SCG5: variants seen among roughly 807,000 people sequenced by gnomAD.
The protein encoded by SCG5 is secretogranin V, also known as neuroendocrine protein 7B2.
SCG5 carries 18 observed loss-of-function variants against 25.7 expected under a neutral mutation model. The observed-to-expected ratio is 0.70, with a 90% CI of 0.48 to 1.04. The LOEUF is 1.04. Among genes scored for constraint, SCG5 ranks in the 50% least tolerant of loss-of-function variants. The pLI, the probability that SCG5 is intolerant of heterozygous loss-of-function variation, is 0.00. For missense variants in SCG5, 206 were observed against 259.8 expected (o/e 0.79, Z 1.42); for synonymous variants, 101 against 91.7 (o/e 1.10, Z -0.58).
chr15:32,690,663 C>T (rs1257398189), intron 4 of SCG5, among the ~76,000 whole-genome samples: 2 of 152,066 alleles, frequency 1.3e-5, no homozygotes, highest in African/African-American at 2.4e-5. Flanking sequence ...TTTTAATGAA[C>T]GTGAAAAATG....
At chr15:32,672,459 G>T (rs1402352624) in intron 2 of SCG5, among the ~76,000 whole-genome samples, 1 of 152,250 alleles carries the variant, frequency 6.6e-6, no homozygotes, top group Non-Finnish European at 1.5e-5. Flanking sequence ...CGTGAGGTGG[G>T]CACTCAGGTG....
chr15:32,667,353 G>C (rs375838471), intron 2 of SCG5, among the ~76,000 whole-genome samples: 1 of 150,096 alleles, frequency 6.7e-6, no homozygotes, highest in Non-Finnish European at 1.5e-5. Context: ...GATAAGTTTG[G>C]TGTTTTTATG....
intron 3 of SCG5, among the ~76,000 whole-genome samples, chr15:32,681,745 G>A (rs541352597): frequency 5.3e-5 from 8 of 152,016 alleles, no homozygotes; most frequent in South Asian, 4.2e-4. Context: ...CTACCACACC[G>A]AGACTTTTTT....
intron 5 of SCG5, among the ~76,000 whole-genome samples, chr15:32,692,783 A>G (rs2054882558): frequency 1.3e-5 from 2 of 152,212 alleles, no homozygotes; most frequent in African/African-American, 4.8e-5. Context: ...AAATCCGGTC[A>G]GAGAGAGCTT....
chr15:32,694,716 T>C (rs1349464246), intron 5 of SCG5, among the ~76,000 whole-genome samples: 1 of 152,288 alleles, frequency 6.6e-6, no homozygotes, highest in Non-Finnish European at 1.5e-5. Flanking sequence ...TTTTCAAGTG[T>C]CTGAGGACAT....
intron 4 of SCG5, among the ~76,000 whole-genome samples, chr15:32,690,256 G>T (rs2054824390): frequency 6.6e-6 from 1 of 152,196 alleles, no homozygotes; most frequent in Non-Finnish European, 1.5e-5. Flanking sequence ...CATGGTAGTA[G>T]CTCTCAGGTT....
intron 2 of SCG5, among the ~76,000 whole-genome samples, chr15:32,679,452 C>A (rs1354993750): frequency 1.3e-5 from 2 of 152,144 alleles, no homozygotes; most frequent in African/African-American, 4.8e-5. Flanking sequence ...TCGCCTACCT[C>A]GGCTTCGCAA....
intron 5 of SCG5, chr15:32,692,428 G>A (rs996825140): frequency 3.2e-5 from 7 of 219,866 alleles, no homozygotes; most frequent in Non-Finnish European, 5.4e-5. Context: ...GTTGCCTCAC[G>A]TAAAACTCAA....
intron 5 of SCG5, 134 bp downstream of exon 5, chr15:32,691,897 T>C (rs1316960019): frequency 1.3e-6 from 2 of 1,500,912 alleles, no homozygotes; most frequent in African/African-American, 2.8e-5. Context: ...CACTGGTCCA[T>C]GTGACAAGGG....
At chr15:32,644,005 T>A (rs2053906527) in intron 2 of SCG5, among the ~76,000 whole-genome samples, 187 bp downstream of exon 2, 1 of 152,228 alleles carries the variant, frequency 6.6e-6, no homozygotes, top group Admixed American at 6.5e-5. Context: ...AGTGTCTACA[T>A]ACTTACATAT....
intron 2 of SCG5, among the ~76,000 whole-genome samples, chr15:32,655,169 G>T (rs759212448): frequency 6.6e-6 from 1 of 152,110 alleles, no homozygotes; most frequent in African/African-American, 2.4e-5. Context: ...TTAGCTGGAC[G>T]TGGTGGCGGG....
intron 2 of SCG5, among the ~76,000 whole-genome samples, chr15:32,669,631 A>G (rs570453906): frequency 6.6e-6 from 1 of 152,360 alleles, no homozygotes; most frequent in African/African-American, 2.4e-5. Flanking sequence ...AATAAAAGTT[A>G]CATGAAGGAG....
chr15:32,665,568 A>G (rs1315779415), intron 2 of SCG5: 1 of 152,232 alleles, frequency 6.6e-6, no homozygotes, highest in African/African-American at 2.4e-5. Flanking sequence ...CCCTATAGGT[A>G]AAATCAAGTA....
chr15:32,652,065 GAGA>G (rs2054039973), intron 2 of SCG5, among the ~76,000 whole-genome samples: 1 of 152,214 alleles, frequency 6.6e-6, no homozygotes, highest in African/African-American at 2.4e-5. Flanking sequence ...GGCCAGAAAG[GAGA>G]AGAACCAGAA....
intron 5 of SCG5, among the ~76,000 whole-genome samples, chr15:32,694,632 A>C (rs2054922583): frequency 6.6e-6 from 1 of 152,244 alleles, no homozygotes; most frequent in Admixed American, 6.5e-5. Context: ...ACTGTAATTG[A>C]TAAAAGGAAT....
chr15:32,687,586 T>C (rs1172172428), intron 4 of SCG5, among the ~76,000 whole-genome samples: 8 of 152,216 alleles, frequency 5.3e-5, no homozygotes, highest in Non-Finnish European at 1.0e-4. Context: ...GGAATGACAG[T>C]CTCAAGCTTG....
At chr15:32,651,588 G>C (rs976509529) in intron 2 of SCG5, among the ~76,000 whole-genome samples, 2 of 152,212 alleles carry the variant, frequency 1.3e-5, no homozygotes, top group African/African-American at 4.8e-5. Context: ...CCTCACCCTG[G>C]AGGAACCAAT....
At chr15:32,677,274 C>A (rs984355047) in intron 2 of SCG5, among the ~76,000 whole-genome samples, 2 of 152,146 alleles carry the variant, frequency 1.3e-5, no homozygotes, top group Admixed American at 1.3e-4. Flanking sequence ...TGCCTGAATG[C>A]GGGGGCTAGA....
At chr15:32,695,025 T>C (rs2054929241) in intron 5 of SCG5, among the ~76,000 whole-genome samples, 1 of 151,134 alleles carries the variant, frequency 6.6e-6, no homozygotes, top group Non-Finnish European at 1.5e-5. Context: ...TTTTTTTTTT[T>C]TCTTTTTTGA....
Sources: gnomAD v4.1 joint callset for allele counts (sites outside exome capture counted in the v4.1 genomes callset) on GRCh38, gnomAD v4.1.1 for gene constraint, MANE v1.5 for transcripts, NCBI Gene and HGNC (gene_info 2026-07-23, HGNC 2026-07-21) for gene names.